The following PTPRS variants were observed in gnomAD, a reference collection of about 807,000 sequenced individuals.
The protein encoded by PTPRS is protein tyrosine phosphatase receptor type S, also known as receptor-type tyrosine-protein phosphatase S.
PTPRS carries 63 observed loss-of-function variants against 215.3 expected under a neutral mutation model. That is an observed-to-expected ratio of 0.29 (90% CI 0.24 to 0.36). PTPRS has a LOEUF of 0.36. Ranked by LOEUF, PTPRS falls within the 10% of genes least tolerant of loss-of-function variation. The pLI is 1.00. For synonymous variants in PTPRS, 1,404 were observed against 1,191.4 expected, an observed-to-expected ratio of 1.18 and a Z score of -3.68; for missense variants, 2,258 against 2,825.8, an observed-to-expected ratio of 0.80 and a Z score of 4.56.
At position 5,215,272 on chromosome 19, in the gene PTPRS, C is replaced by A; in HGVS notation, c.4318+17G>T. 1 of 1,613,078 alleles carries A rather than the reference C, an allele frequency of 6.2e-7. No individual in the cohort carries two copies. The highest frequency in any genetic ancestry group is 8.5e-7 in the Non-Finnish European group (1 of 1,179,208). ...CAGTGGGGAAGGGCAGGTTAAGACC[C>A]GGGATCTCCGAACTACCTTCAATGG... On this transcript the variant is annotated intron_variant, in intron 28 of 37. Coordinates refer to ENST00000262963, the MANE Select transcript of PTPRS (RefSeq NM_002850.4).
In PTPRS at chr19:5,257,462, C is replaced by T. The variant is rs980813722; in HGVS notation, c.706+555G>A. ...GTCATTAGGAAGAGGCAGAAGGCGC[C>T]GGGCTCCGGACCAGCTGGTGGGGGG... is the stretch of plus-strand genomic sequence containing the variant. On this transcript the variant is annotated intron_variant, in intron 8 of 37. Coordinates refer to ENST00000262963, the MANE Select transcript of PTPRS (RefSeq NM_002850.4). The surrounding 1 kb of genome is among the most constrained non-coding windows in gnomAD (Gnocchi z 4.4). 9 of 457,632 alleles carry T rather than the reference C, an allele frequency of 2.0e-5. No individual in the cohort carries two copies. Among genetic ancestry groups the T allele is most frequent in the African/African-American group, 4.0e-5 (2 of 50,090 alleles). 28.3% of individuals were successfully genotyped at this position (457,632 alleles called of 1,614,324 possible).
intron 4 of PTPRS, among the ~76,000 whole-genome samples, chr19:5,270,779 G>A (rs1456191134): frequency 2.0e-5 from 3 of 152,122 alleles, no homozygotes; most frequent in African/African-American, 7.2e-5. Context: ...CCGGGAGCTA[G>A]GATGACAGGT....
rs992648199 is a variant in PTPRS at position 5,210,385 on chromosome 19, C to T, written c.5487+84G>A. The T allele has an allele frequency of 1.3e-6, 2 of 1,584,906 alleles. No individual in the cohort carries two copies. Among genetic ancestry groups the T allele is most frequent in the Admixed American group, 3.4e-5 (2 of 59,218 alleles). ...CCCAATGCTTATGCCTAACCCTTGG[C>T]CTTTGTATCCATCACCAACCAGGGC... On this transcript the variant is annotated intron_variant, in intron 35 of 37. Transcript: ENST00000262963. This position sits in a 1 kb window ranked among gnomAD's most constrained non-coding sequence, Gnocchi z 4.5.
chr19:5,256,023 C>A, intron 9 of PTPRS, 85 bp downstream of exon 9: 1 of 1,220,722 alleles, frequency 8.2e-7, no homozygotes, highest in South Asian at 1.4e-5. Flanking sequence ...CGTGTGGTGT[C>A]TACATGTGTT....
chr19:5,256,897 C>T (rs143906601), intron 8 of PTPRS, among the ~76,000 whole-genome samples: 86 of 151,970 alleles, frequency 5.7e-4, no homozygotes, highest in African/African-American at 1.9e-3. Flanking sequence ...ATGAGCCACA[C>T]GGCCTCCTGG....
chr19:5,333,189 C>T (rs928286291), intron 1 of PTPRS, among the ~76,000 whole-genome samples: 9 of 148,228 alleles, frequency 6.1e-5, no homozygotes, highest in African/African-American at 1.7e-4. Context: ...AATGCCAATT[C>T]GCCAGGTGTG....
intron 1 of PTPRS, among the ~76,000 whole-genome samples, chr19:5,304,840 T>G (rs2049425069): frequency 6.7e-6 from 1 of 148,576 alleles, no homozygotes; most frequent in Admixed American, 6.8e-5. Context: ...GCAAGAGAGG[T>G]GTGGAAGAGG....
intron 13 of PTPRS, 116 bp downstream of exon 13, chr19:5,238,803 G>T: frequency 2.2e-6 from 3 of 1,355,602 alleles, no homozygotes; most frequent in South Asian, 3.2e-5. Context: ...GAGACAGGCC[G>T]GGAGGCGCCC....
chr19:5,285,966 G>C (rs1021219273), intron 2 of PTPRS, 84 bp downstream of exon 2: 1 of 1,289,920 alleles, frequency 7.8e-7, no homozygotes, highest in Admixed American at 2.1e-5. Context: ...AGGAGGTGGG[G>C]AGTGTGCCCA....
chr19:5,224,340 A>C (rs1336381401), intron 17 of PTPRS, among the ~76,000 whole-genome samples: 3 of 152,170 alleles, frequency 2.0e-5, no homozygotes, highest in East Asian at 3.9e-4. Context: ...CGCATAAAGC[A>C]CAGCAAGGAA....
intron 1 of PTPRS, among the ~76,000 whole-genome samples, chr19:5,303,018 C>G (rs865901813): frequency 2.0e-5 from 3 of 151,872 alleles, no homozygotes; most frequent in African/African-American, 7.3e-5. Context: ...TGCAGTGAGC[C>G]GAGATGGCAC....
rs1041319051 is a variant in PTPRS at position 5,205,960 on chromosome 19, A to G, written c.*814T>C. On this transcript the variant is annotated 3_prime_UTR_variant, in exon 38 of 38. Coordinates refer to ENST00000262963, the MANE Select transcript of PTPRS (RefSeq NM_002850.4). Reference sequence around the variant, plus strand: ...TTTGATATGTCTGAAAATTTAATTTATAAAAATGAAACAAAAAGGGGGAAA... The same window carrying G: ...TTTGATATGTCTGAAAATTTAATTTGTAAAAATGAAACAAAAAGGGGGAAA... 2.0e-5 allele frequency among the ~76,000 whole-genome samples: 3 copies of G among 151,654 alleles called. No homozygotes were observed. Among genetic ancestry groups the G allele is most frequent in the African/African-American group, 7.3e-5 (3 of 41,256 alleles).
chr19:5,219,884 G>A, intron 22 of PTPRS, 55 bp downstream of exon 22: 1 of 1,573,484 alleles, frequency 6.4e-7, no homozygotes, highest in Non-Finnish European at 8.7e-7. Context: ...GGGGAATGGG[G>A]TCTGCCTCAT....
At chr19:5,280,944 A>T (rs1197567823) in intron 2 of PTPRS, among the ~76,000 whole-genome samples, 1 of 151,744 alleles carries the variant, frequency 6.6e-6, no homozygotes, top group East Asian at 2.0e-4. Flanking sequence ...GGAACCCACC[A>T]CAACACCCAG....
intron 3 of PTPRS, 97 bp from the exon 4 acceptor site, chr19:5,273,680 T>C (rs2047112774): frequency 7.0e-7 from 1 of 1,430,554 alleles, no homozygotes. Flanking sequence ...GGAATGGCAG[T>C]CAGCCCCATG....
chr19:5,305,584 C>G (rs1169973990), intron 1 of PTPRS, among the ~76,000 whole-genome samples: 1 of 149,670 alleles, frequency 6.7e-6, no homozygotes, highest in Admixed American at 6.7e-5. Context: ...TGCCTAGAAG[C>G]TGGACACGGT....
intron 2 of PTPRS, among the ~76,000 whole-genome samples, chr19:5,283,702 C>T (rs1306157623): frequency 6.6e-6 from 1 of 152,166 alleles, no homozygotes; most frequent in African/African-American, 2.4e-5. Flanking sequence ...CACAGTGCAG[C>T]TATACCTGGC....
Position 5,244,112 on chromosome 19 carries a change from G to A in PTPRS, c.1359C>T (p.Pro453=), listed in dbSNP as rs1046250983. Residue 453 remains proline (P), a synonymous_variant, in exon 11 of 38, where the codon CCC becomes CCT. Coordinates refer to ENST00000262963, the MANE Select transcript of PTPRS (RefSeq NM_002850.4). The surrounding 1 kb of genome is among the most constrained non-coding windows in gnomAD (Gnocchi z 7.2). The stretch of plus-strand genomic sequence containing the variant: ...CGCGGTAGCCGCGGATCAGGCCGTT[G>A]GGCTCCACCGGCTCCTCCCACTGCA... ...MIVQWEEPVE[P]NGLIRGYRVY... is the part of the protein sequence containing the mutation. The A allele has an allele frequency of 3.7e-6, 6 of 1,607,974 alleles. No individual in the cohort carries two copies. The East Asian group carries it at 1.1e-4, about 30-fold the overall frequency.
At chr19:5,220,744 G>C (rs2041908154) in intron 20 of PTPRS, among the ~76,000 whole-genome samples, 1 of 152,176 alleles carries the variant, frequency 6.6e-6, no homozygotes, top group Non-Finnish European at 1.5e-5. Flanking sequence ...AATCCTTTCA[G>C]GGGCCCTAGT....
Sources: gnomAD v4.1 joint callset for allele counts (sites outside exome capture counted in the v4.1 genomes callset) on GRCh38, gnomAD v4.1.1 for gene constraint, Gnocchi (gnomAD v3.1) non-coding constraint, MANE v1.5 for transcripts, NCBI Gene and HGNC (gene_info 2026-07-23, HGNC 2026-07-21) for gene names.